Variants in GABRR2 observed in about 807,000 individuals in gnomAD.
The protein encoded by GABRR2 is gamma-aminobutyric acid type A receptor subunit rho2.
GABRR2 carries 36 observed loss-of-function variants against 47.0 expected under a neutral mutation model. The observed-to-expected ratio is 0.77, with a 90% confidence interval of 0.59 to 1.01. GABRR2 has a LOEUF of 1.01. Among genes scored for constraint, GABRR2 ranks in the 50% least tolerant of loss-of-function variants. The pLI is 0.00. For missense variants in GABRR2, 587 were observed against 594.6 expected (o/e 0.99, Z 0.13); for synonymous variants, 204 against 227.5 (o/e 0.90, Z 0.93).
At chr6:89,298,947 C>T (rs142362393) in intron 2 of GABRR2, among the ~76,000 whole-genome samples, 1 of 152,114 alleles carries the variant, frequency 6.6e-6, no homozygotes, top group Non-Finnish European at 1.5e-5. Flanking sequence ...CGTCTATGAA[C>T]AGAAAGTGGG....
At chr6:89,275,710 T>C (rs1774147021) in intron 2 of GABRR2, among the ~76,000 whole-genome samples, 1 of 152,150 alleles carries the variant, frequency 6.6e-6, no homozygotes, top group South Asian at 2.1e-4. Context: ...AGGAGGGGAA[T>C]TGAGAGGCAG....
At chr6:89,282,692 T>C (rs1369396510) in intron 2 of GABRR2, among the ~76,000 whole-genome samples, 1 of 152,234 alleles carries the variant, frequency 6.6e-6, no homozygotes, top group Non-Finnish European at 1.5e-5. Flanking sequence ...AAAGGCCTTC[T>C]ATCCAACAGC....
chr6:89,309,212 C>T (rs899944351), intron 1 of GABRR2, among the ~76,000 whole-genome samples: 3 of 152,204 alleles, frequency 2.0e-5, no homozygotes, highest in African/African-American at 4.8e-5. Context: ...CTCACCCACC[C>T]TCTTGTCCTT....
At chr6:89,291,778 A>G (rs893712781) in intron 2 of GABRR2, among the ~76,000 whole-genome samples, 3 of 152,166 alleles carry the variant, frequency 2.0e-5, no homozygotes, top group Admixed American at 6.5e-5. Context: ...CCAATAGACC[A>G]TCAGCTTCTT....
At chr6:89,279,697 C>T (rs867930045) in intron 2 of GABRR2, among the ~76,000 whole-genome samples, 2 of 70,158 alleles carry the variant, frequency 2.9e-5, no homozygotes, top group South Asian at 4.5e-4. Context: ...AAAAAAAAAA[C>T]CCCACTGATA....
intron 2 of GABRR2, among the ~76,000 whole-genome samples, chr6:89,296,647 A>G (rs1204042731): frequency 2.0e-5 from 3 of 152,212 alleles, no homozygotes; most frequent in Non-Finnish European, 4.4e-5. Flanking sequence ...CTGACCCTCT[A>G]CGCTCTGGAG....
At chr6:89,283,801 G>A (rs1774290346) in intron 2 of GABRR2, among the ~76,000 whole-genome samples, 1 of 152,186 alleles carries the variant, frequency 6.6e-6, no homozygotes, top group South Asian at 2.1e-4. Flanking sequence ...AAGTGTACGG[G>A]GTGGGCACGT....
intron 1 of GABRR2, among the ~76,000 whole-genome samples, chr6:89,307,598 A>G (rs1003767346): frequency 6.6e-6 from 1 of 152,194 alleles, no homozygotes; most frequent in Non-Finnish European, 1.5e-5. Flanking sequence ...ATGTCCTGAG[A>G]GCTGCCCAGG....
chr6:89,283,157 C>T (rs186853506), intron 2 of GABRR2, among the ~76,000 whole-genome samples: 73 of 150,812 alleles, frequency 4.8e-4, no homozygotes, highest in African/African-American at 1.7e-3. Context: ...GTGAATTGCC[C>T]GTTTCTGTTC....
chr6:89,265,912 C>A (rs746984700), intron 6 of GABRR2, 147 bp from the exon 7 acceptor site: 8 of 699,286 alleles, frequency 1.1e-5, no homozygotes, highest in East Asian at 1.1e-4. Flanking sequence ...TAATACCTTT[C>A]TTTTCCAAAA....
intron 1 of GABRR2, among the ~76,000 whole-genome samples, chr6:89,305,317 T>C (rs1463957014): frequency 6.6e-6 from 1 of 152,098 alleles, no homozygotes; most frequent in Non-Finnish European, 1.5e-5. Context: ...ATTGTGCCAT[T>C]GCTCTCCAGA....
chr6:89,309,699 CT>C (rs1337286793), intron 1 of GABRR2, among the ~76,000 whole-genome samples: 1 of 152,160 alleles, frequency 6.6e-6, no homozygotes, highest in Non-Finnish European at 1.5e-5. Context: ...AGCATCCCCC[CT>C]GGGTTGGTGC....
intron 1 of GABRR2, among the ~76,000 whole-genome samples, chr6:89,310,874 G>T (rs1404164563): frequency 3.3e-5 from 5 of 152,222 alleles, no homozygotes; most frequent in Non-Finnish European, 7.3e-5. Flanking sequence ...AGACAACGAA[G>T]AGTGTTAGGC....
chr6:89,268,018 C>A lies in GABRR2; in HGVS notation c.591G>T (p.Glu197Asp). 6.2e-7 allele frequency: 1 copy of A among 1,610,980 alleles called. No individual in the cohort carries two copies. Among genetic ancestry groups the A allele is most frequent in the East Asian group, 2.2e-5 (1 of 44,802 alleles). ...ATTAGGAATGCTGATACTTACAGCT[C>A]TCCAGCTCCAAAGAACAGGTCTGGG... is the stretch of plus-strand genomic sequence containing the variant. The part of the protein sequence containing the change: ...LDSQTCSLEL[E>D]SYAYTDEDLM... The change falls in exon 5 of 9, where the codon GAG (glutamate) becomes GAT (aspartate). Residue 197 changes from glutamate to aspartate, a missense_variant. Transcript: ENST00000402938.
At chr6:89,271,151 G>A (rs557826665) in intron 3 of GABRR2, among the ~76,000 whole-genome samples, 2 of 152,272 alleles carry the variant, frequency 1.3e-5, no homozygotes, top group African/African-American at 2.4e-5. Context: ...AGAGGAGGCT[G>A]GGGCCCTGGG....
chr6:89,285,480 C>A (rs1274951147), intron 2 of GABRR2, among the ~76,000 whole-genome samples: 1 of 152,176 alleles, frequency 6.6e-6, no homozygotes, highest in East Asian at 1.9e-4. Context: ...CATGCGATTG[C>A]GGGTGGGGAG....
chr6:89,303,297 G>A (rs894656551), intron 1 of GABRR2, among the ~76,000 whole-genome samples: 5 of 152,140 alleles, frequency 3.3e-5, no homozygotes, highest in African/African-American at 9.7e-5. Context: ...CCTAGGCCAC[G>A]TGTGTGCTGC....
chr6:89,297,065 G>A (rs1774567889), intron 2 of GABRR2, among the ~76,000 whole-genome samples: 1 of 152,116 alleles, frequency 6.6e-6, no homozygotes, highest in Non-Finnish European at 1.5e-5. Context: ...CACACTCGGT[G>A]CACACCCACA....
chr6:89,264,254 G>C (rs2127827701), intron 8 of GABRR2, among the ~76,000 whole-genome samples, 158 bp downstream of exon 8: 1 of 151,918 alleles, frequency 6.6e-6, no homozygotes, highest in East Asian at 1.9e-4. Context: ...AATCCTTTGG[G>C]GTAGAAGCCA....
Sources: allele counts gnomAD v4.1 joint callset (sites outside exome capture counted in the v4.1 genomes callset), GRCh38; gene constraint gnomAD v4.1.1; transcripts MANE v1.5; gene names NCBI Gene and HGNC (gene_info 2026-07-23, HGNC 2026-07-21).